ATRNL1: variants seen among roughly 807,000 people sequenced by gnomAD.
ATRNL1 encodes attractin like 1, also known as attractin-like protein 1.
ATRNL1 carries 95 observed loss-of-function variants against 182.7 expected under a neutral mutation model. The ratio of observed to expected loss-of-function variants is 0.52; its 90% CI spans 0.44 to 0.62. The LOEUF is 0.62. Among genes scored for constraint, ATRNL1 ranks in the 20% least tolerant of loss-of-function variants. The pLI is 0.00. For synonymous variants in ATRNL1, 576 were observed against 568.3 expected (o/e 1.01, Z -0.19); for missense variants, 1,471 against 1,679.5 (o/e 0.88, Z 2.17).
intron 27 of ATRNL1, among the ~76,000 whole-genome samples, chr10:115,832,390 C>A (rs1555094019): frequency 6.6e-6 from 1 of 152,214 alleles, no homozygotes; most frequent in African/African-American, 2.4e-5. Flanking sequence ...AGAAGCAGAG[C>A]ATAATGCTAA....
chr10:115,762,045 T>C (rs557689118), intron 27 of ATRNL1, among the ~76,000 whole-genome samples: 1 of 152,248 alleles, frequency 6.6e-6, no homozygotes, highest in South Asian at 2.1e-4. Context: ...AAAAAAGAAA[T>C]TGGCCATTGT....
chr10:115,750,026 T>C (rs868935785), intron 27 of ATRNL1, among the ~76,000 whole-genome samples: 25 of 152,090 alleles, frequency 1.6e-4, no homozygotes, highest in African/African-American at 6.0e-4. Context: ...AGAGAATTAC[T>C]GTCCACCATT....
intron 26 of ATRNL1, among the ~76,000 whole-genome samples, chr10:115,709,664 GTA>G (rs1347719744): frequency 4.0e-5 from 6 of 151,880 alleles, no homozygotes; most frequent in Non-Finnish European, 8.8e-5. Flanking sequence ...GGAATTTATA[GTA>G]TAAAGAAGAA....
chr10:115,543,231 G>A (rs1554992591), intron 25 of ATRNL1, among the ~76,000 whole-genome samples: 1 of 152,092 alleles, frequency 6.6e-6, no homozygotes, highest in Non-Finnish European at 1.5e-5. Flanking sequence ...TATTCTATGC[G>A]TGTATTATTT....
chr10:115,878,043 G>C (rs889940272), intron 28 of ATRNL1, among the ~76,000 whole-genome samples: 1 of 152,132 alleles, frequency 6.6e-6, no homozygotes. Flanking sequence ...GTGGCCCAGG[G>C]CTAGGAGACC....
intron 26 of ATRNL1, among the ~76,000 whole-genome samples, chr10:115,684,371 A>G (rs1769465450): frequency 6.6e-6 from 1 of 151,228 alleles, no homozygotes; most frequent in Non-Finnish European, 1.5e-5. Context: ...CTAATGATCC[A>G]CTGTGTTGCC....
intron 5 of ATRNL1, among the ~76,000 whole-genome samples, chr10:115,133,975 A>C (rs1183377669): frequency 6.6e-6 from 1 of 152,146 alleles, no homozygotes; most frequent in Non-Finnish European, 1.5e-5. Flanking sequence ...TGAAGGCAGA[A>C]ATAAAGATGT....
chr10:115,499,197 A>G (rs536375981), intron 24 of ATRNL1, among the ~76,000 whole-genome samples: 3 of 152,308 alleles, frequency 2.0e-5, no homozygotes, highest in African/African-American at 7.2e-5. Flanking sequence ...AACATTTATA[A>G]CAATATTTTT....
At position 115,365,041 on chromosome 10, in the gene ATRNL1, A is replaced by G. The variant is rs1324752425; in HGVS notation, c.3176-29618A>G. Among the ~76,000 whole-genome samples, 17 of 149,614 alleles carry G rather than the reference A, an allele frequency of 1.1e-4. 1 individual carries two copies. In the East Asian group the frequency reaches 3.4e-3, roughly 30 times the overall value. ...AGAATGATGCTGGCCTCATAAAATG[A>G]GTTAGGGAGGATTCCCTCTTTTTCT... On this transcript the variant is annotated intron_variant, in intron 19 of 28. Coordinates refer to ENST00000355044, the MANE Select transcript of ATRNL1 (RefSeq NM_207303.4).
At position 115,514,291 on chromosome 10, in the gene ATRNL1, T is replaced by C. The variant is rs373069815; in HGVS notation, c.3655-4972T>C. Among the ~76,000 whole-genome samples the C allele has an allele frequency of 5.1e-4, 78 of 152,092 alleles. 1 individual carries two copies. The South Asian group carries it at 8.1e-3, about 16-fold the overall frequency. On this transcript the variant is annotated intron_variant, in intron 24 of 28. Transcript: ENST00000355044. The stretch of plus-strand genomic sequence containing the variant: ...CTCTGAAAACAAGCTGGAATCAAAA[T>C]AGCATTCATATTTCTTATGAAAACT...
intron 1 of ATRNL1, among the ~76,000 whole-genome samples, chr10:115,112,065 A>T (rs527707649): frequency 2.2e-5 from 3 of 133,976 alleles, no homozygotes; most frequent in Admixed American, 7.0e-5. Context: ...AACAAAAAAA[A>T]CCCAAAAAAA....
chr10:115,543,222 A>T (rs1554992579), intron 25 of ATRNL1, among the ~76,000 whole-genome samples: 1 of 152,144 alleles, frequency 6.6e-6, no homozygotes, highest in African/African-American at 2.4e-5. Context: ...TGACCAATTT[A>T]TTCTATGCGT....
At chr10:115,464,560 A>G (rs1437302437) in intron 22 of ATRNL1, among the ~76,000 whole-genome samples, 2 of 151,942 alleles carry the variant, frequency 1.3e-5, no homozygotes, top group Non-Finnish European at 2.9e-5. Flanking sequence ...GGCTTTAGTT[A>G]TGGTACCATA....
At chr10:115,440,368 A>G (rs1846610543) in intron 21 of ATRNL1, among the ~76,000 whole-genome samples, 2 of 151,782 alleles carry the variant, frequency 1.3e-5, no homozygotes, top group Non-Finnish European at 2.9e-5. Context: ...TCTTTTAAAA[A>G]TTTTATGGGT....
chr10:115,825,466 TA>T (rs1950409225), intron 27 of ATRNL1, among the ~76,000 whole-genome samples: 1 of 152,188 alleles, frequency 6.6e-6, no homozygotes. Flanking sequence ...AGACTTTCTA[TA>T]TTTAGACATT....
chr10:115,587,421 C>G (rs1487271791), intron 26 of ATRNL1, among the ~76,000 whole-genome samples: 1 of 151,850 alleles, frequency 6.6e-6, no homozygotes, highest in African/African-American at 2.4e-5. Context: ...ACTCCGTGGG[C>G]ATAGGACCCT....
chr10:115,168,372 T>G (rs1847140728), intron 7 of ATRNL1, among the ~76,000 whole-genome samples: 1 of 152,132 alleles, frequency 6.6e-6, no homozygotes, highest in African/African-American at 2.4e-5. Context: ...TCAAATTCAC[T>G]TTTTGAAGAA....
intron 1 of ATRNL1, among the ~76,000 whole-genome samples, chr10:115,097,384 A>G (rs1017608432): frequency 1.3e-5 from 2 of 152,122 alleles, no homozygotes; most frequent in Non-Finnish European, 2.9e-5. Context: ...TACAAGAGAG[A>G]GTGAGGCGGA....
rs148088836 is a variant in ATRNL1 at position 115,340,586 on chromosome 10, A to T, written c.3175+6167A>T. 4.1e-5 allele frequency among the ~76,000 whole-genome samples: 6 copies of T among 146,062 alleles called. No individual in the cohort carries two copies. The East Asian group carries it at 8.1e-4, about 20-fold the overall frequency. On this transcript the variant is annotated intron_variant, in intron 19 of 28. Coordinates refer to ENST00000355044, the MANE Select transcript of ATRNL1 (RefSeq NM_207303.4). ...TTCCTTCTCCTCTATTTTTCAGAATAGTTTGAGTAGGATTGGTATTAGTTC... is the reference window on the plus strand; with the variant it reads ...TTCCTTCTCCTCTATTTTTCAGAATTGTTTGAGTAGGATTGGTATTAGTTC...
Sources: gnomAD v4.1 joint callset for allele counts (sites outside exome capture counted in the v4.1 genomes callset) on GRCh38, gnomAD v4.1.1 for gene constraint, MANE v1.5 for transcripts, NCBI Gene and HGNC (gene_info 2026-07-23, HGNC 2026-07-21) for gene names.